The following GOLGA1 variants were observed in gnomAD, a reference collection of about 807,000 sequenced individuals.
The protein encoded by GOLGA1 is golgin A1.
A neutral mutation model predicts 119.7 loss-of-function variants in GOLGA1; 63 were observed. That is an observed-to-expected ratio of 0.53 (90% confidence interval 0.43 to 0.65). GOLGA1 has a LOEUF of 0.65. Ranked by LOEUF, GOLGA1 falls within the 30% of genes least tolerant of loss-of-function variation. The probability of loss-of-function intolerance (pLI) is 0.00; values close to 1 mark genes in which losing one functional copy is unlikely to be tolerated. For missense variants in GOLGA1, 798 were observed against 912.8 expected (o/e 0.87, Z 1.62); for synonymous variants, 318 against 333.4 (o/e 0.95, Z 0.50).
intron 12 of GOLGA1, among the ~76,000 whole-genome samples, chr9:124,906,262 C>T (rs1320919084): frequency 1.4e-5 from 2 of 146,340 alleles, no homozygotes; most frequent in East Asian, 2.0e-4. Context: ...GAAACCCTGT[C>T]TCTACTAAAT....
At chr9:124,908,559 T>G in intron 11 of GOLGA1, 87 bp from the exon 12 acceptor site, 1 of 799,262 alleles carries the variant, frequency 1.3e-6, no homozygotes, top group Non-Finnish European at 2.3e-6. Context: ...TTGTGACTTG[T>G]GCTAGGCACA....
chr9:124,917,419 A>C (rs1407895745), intron 10 of GOLGA1, among the ~76,000 whole-genome samples: 1 of 152,172 alleles, frequency 6.6e-6, no homozygotes, highest in Non-Finnish European at 1.5e-5. Flanking sequence ...TCTTTTGCCC[A>C]AGCCAGAAGC....
In GOLGA1 at chr9:124,893,105, G is replaced by A. The variant is rs79001908; in HGVS notation, c.1408-2627C>T. On this transcript the variant is annotated intron_variant, in intron 15 of 22. Transcript: ENST00000373555. The stretch of plus-strand genomic sequence containing the variant: ...GCCTCGACCTTCTAGGCTCAAGAGA[G>A]CGTCCTGCCCCAGTCTCCTGAGTAG... Among the ~76,000 whole-genome samples, 492 of 152,224 alleles carry A rather than the reference G, an allele frequency of 3.2e-3. 1 individual carries two copies. The highest frequency in any genetic ancestry group is 0.011 in the African/African-American group (468 of 41,532).
At chr9:124,918,003 C>A (rs533352669) in intron 10 of GOLGA1, among the ~76,000 whole-genome samples, 12 of 152,218 alleles carry the variant, frequency 7.9e-5, no homozygotes, top group African/African-American at 1.7e-4. Flanking sequence ...CAGGTGTGTG[C>A]CACCATGCCC....
intron 15 of GOLGA1, among the ~76,000 whole-genome samples, chr9:124,894,695 T>C (rs1433875726): frequency 2.0e-5 from 3 of 152,164 alleles, no homozygotes; most frequent in African/African-American, 4.8e-5. Flanking sequence ...GTACGTACCC[T>C]ATTCATTCAG....
intron 15 of GOLGA1, among the ~76,000 whole-genome samples, chr9:124,892,047 C>T (rs923898507): frequency 2.7e-5 from 4 of 150,902 alleles, no homozygotes; most frequent in Non-Finnish European, 4.4e-5. Flanking sequence ...CTCTGACTCC[C>T]GGGTTCAAAC....
At chr9:124,887,067 C>T (rs961715879) in intron 19 of GOLGA1, among the ~76,000 whole-genome samples, 1 of 152,096 alleles carries the variant, frequency 6.6e-6, no homozygotes. Context: ...TTGGCTAGGA[C>T]AGTCTGAGGA....
Position 124,946,635 on chromosome 9 carries a change from T to TATA in GOLGA1, c.-156+1280_-156+1282dup, listed in dbSNP as rs997087848. 2.0e-5 allele frequency: 3 copies of TATA among 152,242 alleles called. No homozygotes were observed. The highest frequency in any genetic ancestry group is 4.4e-5 in the Non-Finnish European group (3 of 68,038). 9.4% of individuals were successfully genotyped at this position (152,242 alleles called of 1,614,324 possible). A position where few individuals can be genotyped will look rare whatever the true frequency, so the allele number is the denominator to read the frequency against. On this transcript the variant is annotated intron_variant, in intron 1 of 4. Transcript: ENST00000421514. The surrounding 1 kb of genome is among the most constrained non-coding windows in gnomAD (Gnocchi z 4.0). ...CAAACATTGATACTTGGCAACATTCTATAGGTTCACAAATTGGCATTGCAC... is the reference window on the plus strand; with the variant it reads ...CAAACATTGATACTTGGCAACATTCTATAATAGGTTCACAAATTGGCATTGCAC...
chr9:124,882,071 AC>A lies in GOLGA1; in HGVS notation c.1966-118del, dbSNP rs1193315953. On this transcript the variant is annotated intron_variant, in intron 20 of 22. Coordinates refer to ENST00000373555, the MANE Select transcript of GOLGA1 (RefSeq NM_002077.4). ...ACTATCGTAGGGCAAAAAGGGCCCC[AC>A]CTGGGAAGGAAGCACCTCCAGGTAG... The A allele has an allele frequency of 1.3e-5, 9 of 718,880 alleles. 1 individual carries two copies. In the African/African-American group the frequency reaches 1.6e-4, roughly 13 times the overall value. 44.5% of individuals were successfully genotyped at this position (718,880 alleles called of 1,614,324 possible). A position where few individuals can be genotyped will look rare whatever the true frequency, so the allele number is the denominator to read the frequency against.
chr9:124,915,166 G>A (rs1158559006), intron 10 of GOLGA1, among the ~76,000 whole-genome samples: 1 of 152,116 alleles, frequency 6.6e-6, no homozygotes, highest in Non-Finnish European at 1.5e-5. Flanking sequence ...GTGGTCACTT[G>A]ATTCAGACAG....
intron 10 of GOLGA1, 147 bp from the exon 11 acceptor site, chr9:124,912,173 G>C: frequency 2.8e-6 from 2 of 720,702 alleles, no homozygotes; most frequent in Non-Finnish European, 4.5e-6. Flanking sequence ...CTGAAAATGG[G>C]ATACAGAAAA....
chr9:124,938,527 G>T (rs766178496), intron 3 of GOLGA1, 50 bp downstream of exon 3: 5 of 1,450,452 alleles, frequency 3.4e-6, no homozygotes, highest in South Asian at 2.3e-5. Flanking sequence ...AATATTTATT[G>T]GAAGAATACC....
chr9:124,924,400 T>C (rs1265358711), intron 7 of GOLGA1, among the ~76,000 whole-genome samples: 1 of 150,186 alleles, frequency 6.7e-6, no homozygotes, highest in East Asian at 2.0e-4. Context: ...GAGGCCAAGG[T>C]GGGCCTATCG....
At chr9:124,937,248 T>C (rs1588100345) in intron 3 of GOLGA1, among the ~76,000 whole-genome samples, 1 of 152,056 alleles carries the variant, frequency 6.6e-6, no homozygotes, top group African/African-American at 2.4e-5. Context: ...GGTCAGGAGT[T>C]CCAGACCAGC....
chr9:124,894,630 C>A (rs574018295), intron 15 of GOLGA1, among the ~76,000 whole-genome samples: 2 of 152,220 alleles, frequency 1.3e-5, no homozygotes, highest in East Asian at 3.9e-4. Flanking sequence ...GCTCAACATG[C>A]CCAAAATGGA....
At chr9:124,880,889 T>C (rs623096) in intron 22 of GOLGA1, among the ~76,000 whole-genome samples, 90,050 of 152,206 alleles carry the variant, frequency 0.59, 27,383 homozygotes, top group East Asian at 0.68. Context: ...CTTTTGGAAT[T>C]TGAGTGCCGA....
chr9:124,936,175 C>T (rs1251352824), intron 3 of GOLGA1, among the ~76,000 whole-genome samples: 2 of 152,124 alleles, frequency 1.3e-5, no homozygotes, highest in Non-Finnish European at 2.9e-5. Flanking sequence ...TCACAGAACC[C>T]AGCCTTAAAA....
intron 19 of GOLGA1, among the ~76,000 whole-genome samples, chr9:124,887,183 G>A (rs1431292755): frequency 6.6e-6 from 1 of 152,220 alleles, no homozygotes; most frequent in Non-Finnish European, 1.5e-5. Flanking sequence ...CAGCTGGTAA[G>A]GCCAGAGGCT....
chr9:124,888,455 G>A lies in GOLGA1; in HGVS notation c.1762-59C>T. ...ACAGGTCAGGTGAAGCTGAGCCACA[G>A]GTACACAGGGAAGGGGAGCTAGACT... On this transcript the variant is annotated intron_variant, in intron 18 of 22. Transcript: ENST00000373555. The surrounding 1 kb of genome is among the most constrained non-coding windows in gnomAD (Gnocchi z 4.4). 2 of 1,513,614 alleles carry A rather than the reference G, an allele frequency of 1.3e-6. No individual in the cohort carries two copies. Among genetic ancestry groups the A allele is most frequent in the Non-Finnish European group, 1.8e-6 (2 of 1,090,866 alleles). 93.8% of individuals were successfully genotyped at this position (1,513,614 alleles called of 1,614,324 possible).
Sources: allele counts gnomAD v4.1 joint callset (sites outside exome capture counted in the v4.1 genomes callset), GRCh38; gene constraint gnomAD v4.1.1; non-coding constraint Gnocchi (gnomAD v3.1); transcripts MANE v1.5; gene names NCBI Gene and HGNC (gene_info 2026-07-23, HGNC 2026-07-21).